Variants in ZNF33B observed in about 807,000 individuals in gnomAD.
The protein encoded by ZNF33B is zinc finger protein 11b (KOX 2).
In ZNF33B, 29 loss-of-function variants were observed where a neutral mutation model predicts 45.8. The observed-to-expected ratio is 0.63, with a 90% confidence interval of 0.47 to 0.86. The LOEUF is 0.86. Among genes scored for constraint, ZNF33B ranks in the 40% least tolerant of loss-of-function variants. The pLI is 0.00. For synonymous variants in ZNF33B, 305 were observed against 307.8 expected (o/e 0.99, Z 0.10); for missense variants, 831 against 909.9 (o/e 0.91, Z 1.12).
chr10:42,622,511 G>A (rs970132365), intron 4 of ZNF33B, among the ~76,000 whole-genome samples: 1 of 152,174 alleles, frequency 6.6e-6, no homozygotes, highest in African/African-American at 2.4e-5. Context: ...ATACAAGTGA[G>A]AGCCCAAAAA....
intron 4 of ZNF33B, among the ~76,000 whole-genome samples, chr10:42,616,592 CTA>C (rs1365336599): frequency 6.6e-6 from 1 of 152,126 alleles, no homozygotes; most frequent in Non-Finnish European, 1.5e-5. Context: ...AGTAGATCCT[CTA>C]TGTGATTCTG....
intron 4 of ZNF33B, among the ~76,000 whole-genome samples, chr10:42,617,056 A>G (rs1838353353): frequency 6.7e-6 from 1 of 150,112 alleles, no homozygotes; most frequent in South Asian, 2.1e-4. Context: ...GCAATTTACA[A>G]AACTTTTTAT....
intron 1 of ZNF33B, among the ~76,000 whole-genome samples, chr10:42,583,573 C>G (rs769261612): frequency 2.6e-5 from 4 of 152,002 alleles, no homozygotes; most frequent in Admixed American, 6.6e-5. Context: ...TATCTCCATC[C>G]CAGGCTTCTA....
intron 1 of ZNF33B, among the ~76,000 whole-genome samples, chr10:42,579,510 G>A (rs1836795466): frequency 6.7e-6 from 1 of 148,644 alleles, no homozygotes; most frequent in Non-Finnish European, 1.5e-5. Context: ...TCTGGATGAA[G>A]GCTATCACCC....
Position 42,591,148 on chromosome 10 carries a change from A to G in ZNF33B, c.*1465T>C, listed in dbSNP as rs1837104791. 2.2e-6 allele frequency: 1 copy of G among 445,836 alleles called. No individual in the cohort carries two copies. Among genetic ancestry groups the G allele is most frequent in the African/African-American group, 2.1e-5 (1 of 46,790 alleles). 27.6% of individuals were successfully genotyped at this position (445,836 alleles called of 1,614,324 possible). A position where few individuals can be genotyped will look rare whatever the true frequency, so the allele number is the denominator to read the frequency against. Reference sequence around the variant, plus strand: ...CTCAACCCTCCTCTTCATATTCTCAAAAGTCTCTGAAGGCCCAGATCCCTG... The same window carrying G: ...CTCAACCCTCCTCTTCATATTCTCAGAAGTCTCTGAAGGCCCAGATCCCTG... On this transcript the variant is annotated 3_prime_UTR_variant, in exon 5 of 5. Coordinates refer to ENST00000359467, the MANE Select transcript of ZNF33B (RefSeq NM_006955.3).
Position 42,592,493 on chromosome 10 carries a change from T to G in ZNF33B, c.*120A>C. 7.4e-7 allele frequency: 1 copy of G among 1,358,434 alleles called. No individual in the cohort carries two copies. The highest frequency in any genetic ancestry group is 1.0e-6 in the Non-Finnish European group (1 of 990,082). 84.1% of individuals were successfully genotyped at this position (1,358,434 alleles called of 1,614,324 possible). A position where few individuals can be genotyped will look rare whatever the true frequency, so the allele number is the denominator to read the frequency against. On this transcript the variant is annotated 3_prime_UTR_variant, in exon 5 of 5. Coordinates refer to ENST00000359467, the MANE Select transcript of ZNF33B (RefSeq NM_006955.3). ...CCCCTACTGTTACTTTGGAGTAACATAAGGCGAGTTTGTGGATAGTTATTG... is the reference window on the plus strand; with the variant it reads ...CCCCTACTGTTACTTTGGAGTAACAGAAGGCGAGTTTGTGGATAGTTATTG...
At position 42,590,188 on chromosome 10, in the gene ZNF33B, TTTCC is replaced by T. The variant is rs1837057185; in HGVS notation, c.*2421_*2424del. 1 of 152,084 alleles carries T rather than the reference TTTCC, an allele frequency of 6.6e-6. No homozygotes were observed. The highest frequency in any genetic ancestry group is 6.5e-5 in the Admixed American group (1 of 15,276). 9.4% of individuals were successfully genotyped at this position (152,084 alleles called of 1,614,324 possible). On this transcript the variant is annotated 3_prime_UTR_variant, in exon 5 of 5. Coordinates refer to ENST00000359467, the MANE Select transcript of ZNF33B (RefSeq NM_006955.3). ...TTCACTGGAAATATTGATCTGTAGT[TTTCC>T]TTTCTTGTAATGTTTTTGCCTGGCT...
At chr10:42,610,376 A>C (rs1838050889) in intron 4 of ZNF33B, among the ~76,000 whole-genome samples, 1 of 152,134 alleles carries the variant, frequency 6.6e-6, no homozygotes. Flanking sequence ...TCTCTACTAA[A>C]AATACAAAAA....
chr10:42,582,811 C>A (rs150091263), intron 1 of ZNF33B: 50 of 245,010 alleles, frequency 2.0e-4, no homozygotes, highest in Admixed American at 1.8e-3. Context: ...TCCAAGGACA[C>A]GAGAAGCCTC....
rs374878810 is a variant in ZNF33B, at chr10:42,602,310, GT to G, written c.251-7612del. Among the ~76,000 whole-genome samples the G allele has an allele frequency of 1.0e-2, 1,401 of 140,728 alleles. 6 individuals are homozygous for G. The highest frequency in any genetic ancestry group is 0.022 in the African/African-American group (847 of 39,174). The allele number at this position is 140,728 out of a possible 152,430, so 92.3% of individuals were successfully genotyped here. ...TTTCTGTTACACTGAATTTTGATTT[GT>G]TTTTTTTTTTTTAATCTTCTGTGTC... On this transcript the variant is annotated intron_variant, in intron 4 of 4. Coordinates refer to ENST00000359467, the MANE Select transcript of ZNF33B (RefSeq NM_006955.3).
intron 4 of ZNF33B, among the ~76,000 whole-genome samples, chr10:42,611,292 G>A (rs1838086905): frequency 6.6e-6 from 1 of 151,978 alleles, no homozygotes; most frequent in African/African-American, 2.4e-5. Context: ...AGTGAGCCAA[G>A]ATCATGCCAC....
At chr10:42,610,807 A>C (rs1380149300) in intron 4 of ZNF33B, among the ~76,000 whole-genome samples, 1 of 152,212 alleles carries the variant, frequency 6.6e-6, no homozygotes, top group African/African-American at 2.4e-5. Context: ...AGCTGGTCTA[A>C]AATTTCATGT....
At chr10:42,635,475 G>A (rs112590895) in intron 2 of ZNF33B, among the ~76,000 whole-genome samples, 1 of 152,122 alleles carries the variant, frequency 6.6e-6, no homozygotes, top group Admixed American at 6.5e-5. Flanking sequence ...AATTCATTAA[G>A]TTCTATATTT....
rs758505241 is a variant in ZNF33B, at chr10:42,583,158, G to GA, written c.74-8481dup. Reference sequence around the variant, plus strand: ...AGTAAGCATGGTGAGAACAATATTTGAAAATGTCTGTCTTAGGGTTGATGT... The same window carrying GA: ...AGTAAGCATGGTGAGAACAATATTTGAAAAATGTCTGTCTTAGGGTTGATGT... On this transcript the variant is annotated intron_variant, in intron 1 of 1. Transcript: ENST00000462075. 2.5e-4 allele frequency: 201 copies of GA among 788,786 alleles called. 1 individual carries two copies. The highest frequency in any genetic ancestry group is 8.1e-4 in the Middle Eastern group (3 of 3,726). 48.9% of individuals were successfully genotyped at this position (788,786 alleles called of 1,614,324 possible).
At chr10:42,622,340 A>C (rs79471063) in intron 4 of ZNF33B, among the ~76,000 whole-genome samples, 6,183 of 152,286 alleles carry the variant, frequency 0.041, 186 homozygotes, top group Non-Finnish European at 0.057. Context: ...GCTGATCCTT[A>C]AAGTCACGTG....
At position 42,592,793 on chromosome 10, in the gene ZNF33B, T is replaced by A. The variant is rs1359260516; in HGVS notation, c.2157A>T (p.Lys719Asn). 1 of 1,614,162 alleles carries A rather than the reference T, an allele frequency of 6.2e-7. No homozygotes were observed. Among genetic ancestry groups the A allele is most frequent in the Admixed American group, 1.7e-5 (1 of 60,030 alleles). The change falls in exon 5 of 5, where the codon AAA (lysine) becomes AAT (asparagine). Residue 719 changes from lysine (K) to asparagine (N), a missense_variant. Transcript: ENST00000359467. Reference sequence around the variant, plus strand: ...TTCCACATTCATTACACTGACAAGATTTCTCTCCTGTGTGAGCCCTGTGAT... The same window carrying A: ...TTCCACATTCATTACACTGACAAGAATTCTCTCCTGTGTGAGCCCTGTGAT... ...TVHHRAHTGE[K>N]SCQCNECGKI...
At chr10:42,629,650 A>T (rs1166949605) in intron 4 of ZNF33B, among the ~76,000 whole-genome samples, 1 of 152,158 alleles carries the variant, frequency 6.6e-6, no homozygotes, top group South Asian at 2.1e-4. Flanking sequence ...TTTATATTTT[A>T]ATTAGTGTAC....
chr10:42,600,189 G>A (rs530459560), intron 4 of ZNF33B, among the ~76,000 whole-genome samples: 1 of 152,150 alleles, frequency 6.6e-6, no homozygotes, highest in South Asian at 2.1e-4. Context: ...GGAGGAGTGT[G>A]CAGAAGAATA....
chr10:42,606,467 G>A (rs1184349818), intron 4 of ZNF33B, among the ~76,000 whole-genome samples: 2 of 151,740 alleles, frequency 1.3e-5, no homozygotes, highest in South Asian at 2.1e-4. Context: ...TCCATCTCAG[G>A]GGGAAAAAAA....
Sources: allele counts gnomAD v4.1 joint callset (sites outside exome capture counted in the v4.1 genomes callset), GRCh38; gene constraint gnomAD v4.1.1; transcripts MANE v1.5; gene names NCBI Gene and HGNC (gene_info 2026-07-23, HGNC 2026-07-21).